The following ANKRD31 variants were observed in gnomAD, a reference collection of about 807,000 sequenced individuals.
The protein encoded by ANKRD31 is ankyrin repeat domain-containing protein 31.
A neutral mutation model predicts 186.0 loss-of-function variants in ANKRD31; 147 were observed. The observed-to-expected ratio is 0.79, with a 90% CI of 0.69 to 0.91. The LOEUF (loss-of-function observed/expected upper bound fraction) is 0.91. ANKRD31 is among the 40% of genes least tolerant of loss of function. The probability of loss-of-function intolerance (pLI) is 0.00; values close to 1 mark genes in which losing one functional copy is unlikely to be tolerated. For synonymous variants in ANKRD31, 673 were observed against 736.4 expected (o/e 0.91, Z 1.39); for missense variants, 1,986 against 2,148.8 (o/e 0.92, Z 1.50).
At chr5:75,097,381 A>G (rs1193796566) in intron 22 of ANKRD31, among the ~76,000 whole-genome samples, 19 of 152,208 alleles carry the variant, frequency 1.2e-4, no homozygotes, top group Admixed American at 5.2e-4. Flanking sequence ...ATCTCATTGT[A>G]GTTTTGATTT....
rs1345849840 is a variant in ANKRD31, at chr5:75,212,365, C to T, written c.289-1500G>A. On this transcript the variant is annotated intron_variant, in intron 3 of 25. Transcript: ENST00000506364. ...CAGTGGGTCACACCTGTAATCCTGG[C>T]ACTTTGGGAGGTCAACATAGGCAGA... 2.0e-5 allele frequency among the ~76,000 whole-genome samples: 3 copies of T among 152,104 alleles called. No individual in the cohort carries two copies. The East Asian group carries it at 5.8e-4, about 29-fold the overall frequency.
chr5:75,114,407 G>T (rs1393323654), intron 19 of ANKRD31, among the ~76,000 whole-genome samples: 1 of 152,134 alleles, frequency 6.6e-6, no homozygotes, highest in African/African-American at 2.4e-5. Context: ...ATTCAAAGCA[G>T]ATAATTAAGA....
intron 20 of ANKRD31, among the ~76,000 whole-genome samples, chr5:75,111,378 G>A (rs1210097654): frequency 6.6e-6 from 1 of 152,104 alleles, no homozygotes; most frequent in Non-Finnish European, 1.5e-5. Flanking sequence ...ATTACAAATA[G>A]TAAATGAAAT....
intron 11 of ANKRD31, among the ~76,000 whole-genome samples, chr5:75,166,912 AAC>A (rs1412945798): frequency 6.6e-6 from 1 of 152,220 alleles, no homozygotes; most frequent in African/African-American, 2.4e-5. Flanking sequence ...TGTATTTATT[AAC>A]AGTTTTATTA....
Position 75,193,671 on chromosome 5 carries a change from G to C in ANKRD31, c.1018-80C>G, listed in dbSNP as rs976351730. The C allele has an allele frequency of 8.9e-6, 12 of 1,346,722 alleles. No individual in the cohort carries two copies. The Middle Eastern group carries it at 1.3e-3, about 148-fold the overall frequency. The allele number at this position is 1,346,722 out of a possible 1,614,324, so 83.4% of individuals were successfully genotyped here. On this transcript the variant is annotated intron_variant, in intron 7 of 25. Transcript: ENST00000506364. ...ACTATAAGAAGTTAAATTTTGTCTT[G>C]ACCTTTGCTTAAATTAAAATGCCTA...
Position 75,236,841 on chromosome 5 carries a change from G to A in ANKRD31, c.-155C>T. On this transcript the variant is annotated 5_prime_UTR_variant, in exon 1 of 26. Coordinates refer to ENST00000506364, the MANE Select transcript of ANKRD31 (RefSeq NM_001372053.1). ...GGACTTGTCGCAGGGCTGCTGAGGA[G>A]GACGCAGGCGGCCGCGAGCGCGGCG... 2 of 604,354 alleles carry A rather than the reference G, an allele frequency of 3.3e-6. No individual in the cohort carries two copies. The highest frequency in any genetic ancestry group is 5.2e-6 in the Non-Finnish European group (2 of 383,022). The allele number at this position is 604,354 out of a possible 1,614,324, so 37.4% of individuals were successfully genotyped here.
In ANKRD31 at chr5:75,068,541, T is replaced by C. The variant is rs1302125332; in HGVS notation, c.5771A>G (p.Glu1924Gly). 1 of 1,517,716 alleles carries C rather than the reference T, an allele frequency of 6.6e-7. No individual in the cohort carries two copies. 94.0% of individuals were successfully genotyped at this position (1,517,716 alleles called of 1,614,324 possible). ...GTTTTAGGGTGTTAGTTCCTCACAT[T>C]CCACACAAAACTTCCAATGCTGATC... ...IMDQHWKFCV[E>G]CEELTP Residue 1924 changes from glutamate (E) to glycine (G), a missense_variant, in exon 26 of 26, where the codon GAA (glutamate) becomes GGA (glycine). Transcript: ENST00000506364.
At chr5:75,193,020 T>A (rs1159490083) in intron 8 of ANKRD31, among the ~76,000 whole-genome samples, 1 of 152,068 alleles carries the variant, frequency 6.6e-6, no homozygotes, top group Non-Finnish European at 1.5e-5. Flanking sequence ...TTAGGATTAG[T>A]CATCTACAAG....
intron 10 of ANKRD31, among the ~76,000 whole-genome samples, chr5:75,180,283 A>G (rs1202911104): frequency 6.6e-6 from 1 of 152,222 alleles, no homozygotes; most frequent in Non-Finnish European, 1.5e-5. Flanking sequence ...AGGAAGAATC[A>G]ATATCGTGAA....
chr5:75,195,778 C>T lies in ANKRD31; in HGVS notation c.870G>A (p.Leu290=). The T allele has an allele frequency of 6.5e-7, 1 of 1,537,398 alleles. No homozygotes were observed. The change falls in exon 7 of 26, where the codon TTG becomes TTA. Residue 290 remains leucine (L), a synonymous_variant. Transcript: ENST00000506364. ...CTTCTGACAATGTGTTCAGGGCTTCCAATAACTCAGCTGGCAATGCATCAT... is the reference window on the plus strand; with the variant it reads ...CTTCTGACAATGTGTTCAGGGCTTCTAATAACTCAGCTGGCAATGCATCAT... The part of the protein sequence containing the change: ...AKDDALPAEL[L]EALNTLSEAK...
chr5:75,195,365 T>C (rs2150249662), intron 7 of ANKRD31, among the ~76,000 whole-genome samples: 1 of 152,134 alleles, frequency 6.6e-6, no homozygotes, highest in East Asian at 1.9e-4. Context: ...AATCTTTCTA[T>C]TTTCATTTCC....
At chr5:75,069,773 T>C (rs1744070675) in intron 25 of ANKRD31, among the ~76,000 whole-genome samples, 2 of 152,122 alleles carry the variant, frequency 1.3e-5, no homozygotes, top group South Asian at 4.1e-4. Context: ...CTCCAACTCC[T>C]GACCTCAGGT....
intron 10 of ANKRD31, among the ~76,000 whole-genome samples, chr5:75,176,616 C>T (rs779625011): frequency 6.6e-6 from 1 of 152,218 alleles, no homozygotes; most frequent in Non-Finnish European, 1.5e-5. Flanking sequence ...GATACCCAGA[C>T]AAGCAGGGTC....
At chr5:75,099,259 C>A (rs1217363383) in intron 22 of ANKRD31, among the ~76,000 whole-genome samples, 3 of 152,032 alleles carry the variant, frequency 2.0e-5, no homozygotes, top group African/African-American at 7.2e-5. Flanking sequence ...GTTGAACCAG[C>A]CTTGCATCCC....
At chr5:75,185,115 A>G (rs921892030) in intron 10 of ANKRD31, among the ~76,000 whole-genome samples, 2 of 152,236 alleles carry the variant, frequency 1.3e-5, no homozygotes, top group African/African-American at 4.8e-5. Context: ...ATGCACAGGA[A>G]GACACATACT....
chr5:75,176,920 A>G (rs1753853049), intron 10 of ANKRD31, among the ~76,000 whole-genome samples: 1 of 152,198 alleles, frequency 6.6e-6, no homozygotes, highest in Admixed American at 6.5e-5. Context: ...AGGCTTCAGA[A>G]GATCAAACTA....
chr5:75,079,465 CTTT>C (rs5868762), intron 25 of ANKRD31, among the ~76,000 whole-genome samples: 1 of 144,736 alleles, frequency 6.9e-6, no homozygotes. Context: ...AGCCACCACT[CTTT>C]TTTTTTTTTT....
intron 25 of ANKRD31, among the ~76,000 whole-genome samples, chr5:75,071,764 C>T (rs1744248641): frequency 6.6e-6 from 1 of 152,024 alleles, no homozygotes; most frequent in Non-Finnish European, 1.5e-5. Flanking sequence ...TCCCAAAGTG[C>T]TCGGATTACA....
intron 10 of ANKRD31, among the ~76,000 whole-genome samples, chr5:75,186,623 T>C (rs1320263999): frequency 6.6e-6 from 1 of 152,198 alleles, no homozygotes; most frequent in Non-Finnish European, 1.5e-5. Flanking sequence ...ATGTGATCTA[T>C]TTTGAGTATT....
Sources: gnomAD v4.1 joint callset for allele counts (sites outside exome capture counted in the v4.1 genomes callset) on GRCh38, gnomAD v4.1.1 for gene constraint, MANE v1.5 for transcripts, NCBI Gene and HGNC (gene_info 2026-07-23, HGNC 2026-07-21) for gene names.